HDX: variants seen among roughly 807,000 people sequenced by gnomAD.
HDX encodes chromosome X open reading frame 43.
A neutral mutation model predicts 45.2 loss-of-function variants in HDX; 19 were observed. That is an observed-to-expected ratio of 0.42 (90% confidence interval 0.29 to 0.62). The LOEUF (loss-of-function observed/expected upper bound fraction) is 0.62. HDX is among the 20% of genes least tolerant of loss of function. The pLI is 0.20. For missense variants in HDX, 532 were observed against 493.9 expected, an observed-to-expected ratio of 1.08 and a Z score of -0.73; for synonymous variants, 188 against 172.8, an observed-to-expected ratio of 1.09 and a Z score of -0.69.
At chrX:84,383,159 A>C (rs1230625367) in intron 5 of HDX, among the ~76,000 whole-genome samples, 1 of 111,113 alleles carries the variant, frequency 9.0e-6, no homozygotes, top group Non-Finnish European at 1.9e-5. Context: ...TAATGCCACC[A>C]CCAATACGGG....
intron 5 of HDX, among the ~76,000 whole-genome samples, 181 bp from the exon 6 acceptor site, chrX:84,361,793 C>G (rs2147850308): frequency 9.0e-6 from 1 of 111,463 alleles, no homozygotes; most frequent in South Asian, 3.7e-4. Context: ...ATTTCCATAA[C>G]AATACAGTGT....
At chrX:84,470,426 C>T (rs964845769) in intron 3 of HDX, among the ~76,000 whole-genome samples, 1 of 111,381 alleles carries the variant, frequency 9.0e-6, no homozygotes, top group African/African-American at 3.3e-5. Flanking sequence ...TATCCATTAC[C>T]TTTACCTATT....
At chrX:84,364,979 G>A (rs1408613565) in intron 5 of HDX, among the ~76,000 whole-genome samples, 1 of 111,083 alleles carries the variant, frequency 9.0e-6, no homozygotes, top group African/African-American at 3.3e-5. Context: ...GTACATATAT[G>A]AAACATTTTC....
intron 4 of HDX, among the ~76,000 whole-genome samples, chrX:84,460,568 T>C (rs780876998): frequency 1.8e-5 from 2 of 111,593 alleles, no homozygotes; most frequent in Admixed American, 1.9e-4. Context: ...AAAAACCATA[T>C]ATGACAGATT....
intron 2 of HDX, among the ~76,000 whole-genome samples, chrX:84,480,690 G>A (rs967724645): frequency 9.1e-6 from 1 of 110,344 alleles, no homozygotes; most frequent in Non-Finnish European, 1.9e-5. Flanking sequence ...TGCCAAACCT[G>A]CCTTCTATTC....
chrX:84,459,840 A>C (rs2040198580), intron 4 of HDX, among the ~76,000 whole-genome samples: 1 of 111,480 alleles, frequency 9.0e-6, no homozygotes, highest in African/African-American at 3.3e-5. Context: ...ACAAAATCAG[A>C]GGTATAAAAG....
chrX:84,359,144 A>C, intron 6 of HDX, among the ~76,000 whole-genome samples: 1 of 110,752 alleles, frequency 9.0e-6, no homozygotes, highest in Non-Finnish European at 1.9e-5. Flanking sequence ...AACATAAACT[A>C]CTGTTCCAAT....
chrX:84,409,320 C>T (rs2038921992), intron 5 of HDX, among the ~76,000 whole-genome samples: 1 of 111,032 alleles, frequency 9.0e-6, no homozygotes, highest in Admixed American at 9.6e-5. Flanking sequence ...TGTGGCGATT[C>T]CTCAGGGATC....
At chrX:84,338,275 G>T (rs553552219) in intron 7 of HDX, among the ~76,000 whole-genome samples, 2 of 110,481 alleles carry the variant, frequency 1.8e-5, no homozygotes, top group Admixed American at 9.7e-5. Context: ...TTGATGCAAA[G>T]TCCACTATAA....
At chrX:84,370,960 T>C (rs1216938698) in intron 5 of HDX, among the ~76,000 whole-genome samples, 1 of 112,455 alleles carries the variant, frequency 8.9e-6, no homozygotes, top group Non-Finnish European at 1.9e-5. Context: ...CTGTATATAA[T>C]TGCAAACTTG....
At chrX:84,482,790 C>G (rs1274474614) in intron 2 of HDX, among the ~76,000 whole-genome samples, 1 of 111,490 alleles carries the variant, frequency 9.0e-6, no homozygotes, top group Non-Finnish European at 1.9e-5. Flanking sequence ...CCCAAAAGTC[C>G]AAGTCCAAAG....
chrX:84,491,391 TA>T (rs995544588), intron 1 of HDX, among the ~76,000 whole-genome samples: 16 of 112,237 alleles, frequency 1.4e-4, no homozygotes, highest in African/African-American at 5.2e-4. Context: ...GTGGATCTTT[TA>T]AAAAAATCTA....
intron 4 of HDX, among the ~76,000 whole-genome samples, chrX:84,445,444 G>T (rs149082641): frequency 0.013 from 1,410 of 110,115 alleles, 25 homozygotes; most frequent in African/African-American, 0.044. Flanking sequence ...ACTATGAGGT[G>T]TACAGCACAG....
intron 5 of HDX, among the ~76,000 whole-genome samples, chrX:84,432,138 T>C (rs1307320773): frequency 3.6e-5 from 4 of 111,540 alleles, no homozygotes; most frequent in Non-Finnish European, 7.5e-5. Context: ...AAAGATCAGA[T>C]GGTTGTAGGT....
chrX:84,433,287 T>G (rs372216171), intron 5 of HDX, among the ~76,000 whole-genome samples: 2 of 111,991 alleles, frequency 1.8e-5, no homozygotes, highest in Middle Eastern at 4.6e-3. Flanking sequence ...TGAAGCACAC[T>G]ACCTATGTTT....
At chrX:84,471,524 CT>C (rs1196378929) in intron 3 of HDX, among the ~76,000 whole-genome samples, 2 of 107,887 alleles carry the variant, frequency 1.9e-5, no homozygotes, top group African/African-American at 6.7e-5. Flanking sequence ...TAATAAATAG[CT>C]TGTGGAAGGG....
intron 9 of HDX, among the ~76,000 whole-genome samples, chrX:84,332,719 G>A (rs1002311834): frequency 3.6e-5 from 4 of 111,551 alleles, no homozygotes; most frequent in African/African-American, 6.5e-5. Flanking sequence ...AGAGATTATC[G>A]TAATCTCTTG....
intron 5 of HDX, among the ~76,000 whole-genome samples, chrX:84,414,562 C>G (rs763488389): frequency 8.4e-5 from 9 of 107,126 alleles, no homozygotes; most frequent in Non-Finnish European, 1.4e-4. Context: ...CCAGGTATGT[C>G]GAGATTCCAA....
intron 2 of HDX, among the ~76,000 whole-genome samples, chrX:84,487,027 T>C (rs183501460): frequency 9.0e-4 from 101 of 111,921 alleles, no homozygotes; most frequent in Middle Eastern, 9.3e-3. Flanking sequence ...TTTCTACATA[T>C]TTTTTTCCTC....
Sources: gnomAD v4.1 joint callset for allele counts (sites outside exome capture counted in the v4.1 genomes callset) on GRCh38, gnomAD v4.1.1 for gene constraint, MANE v1.5 for transcripts, NCBI Gene and HGNC (gene_info 2026-07-23, HGNC 2026-07-21) for gene names.